The following RBFOX1 variants were observed in gnomAD, a reference collection of about 807,000 sequenced individuals.
The protein encoded by RBFOX1 is RNA binding fox-1 homolog 1, also known as RNA binding protein fox-1 homolog 1.
In RBFOX1, 8 loss-of-function variants were observed where a neutral mutation model predicts 57.7. The ratio of observed to expected loss-of-function variants is 0.14; its 90% CI spans 0.08 to 0.25. RBFOX1 has a LOEUF of 0.25. Among genes scored for constraint, RBFOX1 ranks in the 10% least tolerant of loss-of-function variants. The pLI is 1.00. For synonymous variants in RBFOX1, 326 were observed against 222.4 expected (o/e 1.47, Z -4.15); for missense variants, 611 against 548.5 (o/e 1.11, Z -1.14).
intron 2 of RBFOX1, among the ~76,000 whole-genome samples, chr16:6,559,350 G>A (rs1053005916): frequency 5.3e-5 from 8 of 149,988 alleles, no homozygotes; most frequent in African/African-American, 2.0e-4. Context: ...GTGTGTATAT[G>A]TGTGTATATA....
chr16:7,654,550 T>C (rs572894326), intron 12 of RBFOX1, among the ~76,000 whole-genome samples: 2 of 152,302 alleles, frequency 1.3e-5, no homozygotes, highest in South Asian at 2.1e-4. Context: ...TGCAGATTAG[T>C]TTGTTTCCCA....
intron 3 of RBFOX1, among the ~76,000 whole-genome samples, chr16:5,606,816 C>T (rs2047599189): frequency 6.6e-6 from 1 of 152,026 alleles, no homozygotes. Context: ...TGGGGGGCTC[C>T]AGGTAGAAGG....
In RBFOX1 at chr16:6,818,516, T is replaced by A. The variant is rs561260951; in HGVS notation, c.-16+163866T>A. On this transcript the variant is annotated intron_variant, in intron 3 of 15. Coordinates refer to ENST00000550418, the MANE Select transcript of RBFOX1 (RefSeq NM_018723.4). ...GAGGTTTGTTATGTAGTTACTAAAG[T>A]GGCAATAATACAAGCTGTTGTAAGA... Among the ~76,000 whole-genome samples the A allele has an allele frequency of 9.8e-5, 15 of 152,302 alleles. 1 individual carries two copies. In the South Asian group the frequency reaches 3.1e-3, roughly 32 times the overall value.
Position 6,383,772 on chromosome 16 carries a change from A to C in RBFOX1, c.-64+66715A>C, listed in dbSNP as rs557573010. 3.6e-5 allele frequency among the ~76,000 whole-genome samples: 5 copies of C among 137,852 alleles called. No individual in the cohort carries two copies. The South Asian group carries it at 1.1e-3, about 30-fold the overall frequency. The allele number at this position is 137,852 out of a possible 152,430, so 90.4% of individuals were successfully genotyped here. A position where few individuals can be genotyped will look rare whatever the true frequency, so the allele number is the denominator to read the frequency against. On this transcript the variant is annotated intron_variant, in intron 2 of 15. Transcript: ENST00000550418. ...GCGACAGTGCGAGAATTTATCTTGGAAAAAAAAAAAGAAAAGAAAAACAGC... is the reference window on the plus strand; with the variant it reads ...GCGACAGTGCGAGAATTTATCTTGGCAAAAAAAAAAGAAAAGAAAAACAGC...
chr16:6,193,360 A>ATATATATATATACATTATATATATATAC (rs1567650420), intron 1 of RBFOX1, among the ~76,000 whole-genome samples: 11 of 66,526 alleles, frequency 1.7e-4, no homozygotes, highest in East Asian at 1.3e-3. Context: ...TATACATTAT[A>ATATATATATATACATTATATATATATAC]TATATATATA....
chr16:5,255,354 C>CCATCCCTCCATCCATCCA (rs1555468931), intron 1 of RBFOX1, among the ~76,000 whole-genome samples: 2 of 86,256 alleles, frequency 2.3e-5, no homozygotes, highest in Non-Finnish European at 5.5e-5. Flanking sequence ...CCATCCATCC[C>CCATCCCTCCATCCATCCA]TCCATCCATC....
At chr16:6,754,508 C>G (rs1247580408) in intron 3 of RBFOX1, among the ~76,000 whole-genome samples, 2 of 152,164 alleles carry the variant, frequency 1.3e-5, no homozygotes, top group African/African-American at 4.8e-5. Context: ...AATTGAAGCA[C>G]TCTTCGGGTT....
intron 3 of RBFOX1, among the ~76,000 whole-genome samples, chr16:5,710,014 C>T (rs187707756): frequency 6.6e-6 from 1 of 150,728 alleles, no homozygotes; most frequent in African/African-American, 2.4e-5. Flanking sequence ...GTTCTACAGC[C>T]TGTACGCTGA....
chr16:5,476,748 C>A (rs1166675766), intron 2 of RBFOX1, among the ~76,000 whole-genome samples: 3 of 152,194 alleles, frequency 2.0e-5, no homozygotes, highest in Non-Finnish European at 1.5e-5. Context: ...CTCTTGGGTG[C>A]CTCTGGGTTT....
chr16:7,615,920 C>T (rs1026610174), intron 10 of RBFOX1, among the ~76,000 whole-genome samples: 4 of 152,184 alleles, frequency 2.6e-5, no homozygotes, highest in South Asian at 4.1e-4. Context: ...CACGGAATAC[C>T]TTAACAACTC....
chr16:7,707,875 C>A (rs767269430), intron 14 of RBFOX1, among the ~76,000 whole-genome samples: 2 of 152,134 alleles, frequency 1.3e-5, no homozygotes, highest in Admixed American at 6.5e-5. Flanking sequence ...ACACCCCATT[C>A]GGTAAGTCAC....
intron 1 of RBFOX1, among the ~76,000 whole-genome samples, chr16:6,098,421 T>C (rs1179351340): frequency 6.6e-6 from 1 of 152,228 alleles, no homozygotes; most frequent in East Asian, 1.9e-4. Flanking sequence ...CCACTTGCAC[T>C]GCCTCCTAAA....
chr16:5,895,879 A>G lies in RBFOX1; in HGVS notation c.351+28544A>G, dbSNP rs893145624. On this transcript the variant is annotated intron_variant, in intron 4 of 19. Coordinates refer to the RBFOX1 transcript ENST00000641259. The stretch of plus-strand genomic sequence containing the variant: ...TGCTGGACCTTAAGGCCAATCACAA[A>G]ATATTATCATGTTCCCAAGAGGCAC... Among the ~76,000 whole-genome samples, 8 of 152,220 alleles carry G rather than the reference A, an allele frequency of 5.3e-5. No homozygotes were observed. The East Asian group carries it at 1.5e-3, about 29-fold the overall frequency.
intron 2 of RBFOX1, among the ~76,000 whole-genome samples, chr16:6,545,476 C>A (rs144834311): frequency 6.6e-6 from 1 of 152,138 alleles, no homozygotes; most frequent in Non-Finnish European, 1.5e-5. Context: ...GCCTTGGAGA[C>A]GTGTGCCTCT....
intron 2 of RBFOX1, among the ~76,000 whole-genome samples, chr16:5,597,346 C>G (rs75948719): frequency 0.011 from 1,580 of 150,370 alleles, 38 homozygotes; most frequent in African/African-American, 0.038. Context: ...ACACGACCCT[C>G]TCTCTGCCCA....
At chr16:7,417,534 G>GTGTT (rs1555882428) in intron 4 of RBFOX1, among the ~76,000 whole-genome samples, 1 of 150,232 alleles carries the variant, frequency 6.7e-6, no homozygotes, top group Admixed American at 6.6e-5. Context: ...GGTATTGTGT[G>GTGTT]TGTGTGTGTG....
At chr16:7,626,167 C>G (rs894316825) in intron 10 of RBFOX1, among the ~76,000 whole-genome samples, 1 of 152,242 alleles carries the variant, frequency 6.6e-6, no homozygotes, top group African/African-American at 2.4e-5. Flanking sequence ...AACTGCACTG[C>G]TGTTCCGGTT....
chr16:6,616,654 G>C (rs7197220), intron 2 of RBFOX1, among the ~76,000 whole-genome samples: 1 of 152,050 alleles, frequency 6.6e-6, no homozygotes, highest in Non-Finnish European at 1.5e-5. Context: ...CAGCCTGGGC[G>C]ACAGAGCAAG....
intron 4 of RBFOX1, among the ~76,000 whole-genome samples, chr16:7,383,196 C>A (rs1383335570): frequency 6.6e-6 from 1 of 151,698 alleles, no homozygotes; most frequent in African/African-American, 2.4e-5. Flanking sequence ...GCTTATTTCT[C>A]ATGGCATGCC....
Sources: allele counts gnomAD v4.1 joint callset (sites outside exome capture counted in the v4.1 genomes callset), GRCh38; gene constraint gnomAD v4.1.1; transcripts MANE v1.5; gene names NCBI Gene and HGNC (gene_info 2026-07-23, HGNC 2026-07-21).